PALLD: variants seen among roughly 807,000 people sequenced by gnomAD.
PALLD encodes palladin, cytoskeletal associated protein.
In PALLD, 61 loss-of-function variants were observed where a neutral mutation model predicts 123.5. The ratio of observed to expected loss-of-function variants is 0.49; its 90% confidence interval spans 0.40 to 0.61. The LOEUF (loss-of-function observed/expected upper bound fraction) is 0.61. PALLD is among the 20% of genes least tolerant of loss of function. PALLD has a pLI of 0.00. For missense variants in PALLD, 1,273 were observed against 1,377.0 expected, an observed-to-expected ratio of 0.92 and a Z score of 1.20; for synonymous variants, 465 against 496.4, an observed-to-expected ratio of 0.94 and a Z score of 0.84.
intron 3 of PALLD, among the ~76,000 whole-genome samples, chr4:168,679,228 GTGGTGTGTGTGGGGTGTGTGTGTGGT>G: frequency 1.8e-5 from 2 of 109,900 alleles, no homozygotes; most frequent in Non-Finnish European, 3.7e-5. Context: ...GTGTGTGTGT[GTGGTGTGTGTGGGGTGTGTGTGTGGT>G]GTGTGGTGGG....
chr4:168,519,896 T>C (rs1178076837), intron 2 of PALLD, among the ~76,000 whole-genome samples: 1 of 81,948 alleles, frequency 1.2e-5, no homozygotes, highest in Non-Finnish European at 2.4e-5. Context: ...TCTTAATTCA[T>C]TTTAAATCTT....
intron 10 of PALLD, among the ~76,000 whole-genome samples, chr4:168,825,766 T>C (rs542082052): frequency 2.0e-5 from 3 of 152,318 alleles, no homozygotes; most frequent in African/African-American, 4.8e-5. Flanking sequence ...AATGGAATCA[T>C]GGCTGATCTG....
chr4:168,542,815 T>A (rs1301643066), intron 2 of PALLD, among the ~76,000 whole-genome samples: 1 of 145,926 alleles, frequency 6.9e-6, no homozygotes, highest in African/African-American at 2.6e-5. Context: ...TGGGTGGGAA[T>A]CTTTCACATC....
intron 2 of PALLD, among the ~76,000 whole-genome samples, chr4:168,666,865 G>A (rs1779708731): frequency 6.6e-6 from 1 of 152,146 alleles, no homozygotes; most frequent in Admixed American, 6.5e-5. Flanking sequence ...GAAAGAGACT[G>A]GAGGATGACT....
chr4:168,776,839 T>G (rs1735230518), intron 10 of PALLD, among the ~76,000 whole-genome samples: 2 of 152,316 alleles, frequency 1.3e-5, no homozygotes, highest in South Asian at 4.2e-4. Context: ...CATCATGATG[T>G]AATTACCTTT....
At chr4:168,556,360 G>T (rs987788032) in intron 2 of PALLD, among the ~76,000 whole-genome samples, 2 of 152,176 alleles carry the variant, frequency 1.3e-5, no homozygotes, top group African/African-American at 4.8e-5. Context: ...CTCCCAAAGT[G>T]CTGGGATTAC....
At chr4:168,742,076 G>A (rs1201420564) in intron 10 of PALLD, among the ~76,000 whole-genome samples, 1 of 152,184 alleles carries the variant, frequency 6.6e-6, no homozygotes, top group Non-Finnish European at 1.5e-5. Context: ...TTGCTGCCCA[G>A]CATCTAGGGA....
At chr4:168,789,541 C>A (rs1330140867) in intron 10 of PALLD, among the ~76,000 whole-genome samples, 2 of 151,966 alleles carry the variant, frequency 1.3e-5, no homozygotes, top group African/African-American at 4.8e-5. Flanking sequence ...CCCATCTTTA[C>A]TAAAAATACA....
At chr4:168,872,164 T>TTC (rs778024585) in intron 10 of PALLD, among the ~76,000 whole-genome samples, 74 of 152,120 alleles carry the variant, frequency 4.9e-4, no homozygotes, top group Non-Finnish European at 8.5e-4. Context: ...CAGTTGCTCC[T>TTC]TCTCTCTCTC....
intron 2 of PALLD, among the ~76,000 whole-genome samples, chr4:168,654,010 A>C (rs1271450481): frequency 6.6e-6 from 1 of 151,742 alleles, no homozygotes; most frequent in Non-Finnish European, 1.5e-5. Context: ...TTTAAGACAC[A>C]GAGTCTCACT....
intron 10 of PALLD, among the ~76,000 whole-genome samples, chr4:168,778,713 T>C (rs967457640): frequency 1.3e-5 from 2 of 152,268 alleles, no homozygotes; most frequent in Non-Finnish European, 2.9e-5. Context: ...CATTACTATC[T>C]ATATTTTACA....
chr4:168,533,928 G>A (rs1207915699), intron 2 of PALLD, among the ~76,000 whole-genome samples: 1 of 152,186 alleles, frequency 6.6e-6, no homozygotes, highest in East Asian at 1.9e-4. Context: ...TGAAATGCAA[G>A]TTTTTGATAA....
At chr4:168,729,549 G>A (rs944052630) in intron 10 of PALLD, among the ~76,000 whole-genome samples, 2 of 151,940 alleles carry the variant, frequency 1.3e-5, no homozygotes, top group Non-Finnish European at 1.5e-5. Flanking sequence ...ACTCCCTCCC[G>A]GAATTCCCCA....
intron 10 of PALLD, among the ~76,000 whole-genome samples, chr4:168,764,263 A>T (rs547374519): frequency 2.9e-4 from 44 of 152,216 alleles, no homozygotes; most frequent in Admixed American, 1.1e-3. Flanking sequence ...CTGAGAGAAC[A>T]TAATTTAATA....
At chr4:168,729,701 T>C (rs924481779) in intron 10 of PALLD, among the ~76,000 whole-genome samples, 1 of 152,180 alleles carries the variant, frequency 6.6e-6, no homozygotes, top group Non-Finnish European at 1.5e-5. Context: ...TATATTTCAC[T>C]TTTTATTTTA....
intron 10 of PALLD, among the ~76,000 whole-genome samples, chr4:168,792,129 GC>G (rs1163556842): frequency 6.6e-6 from 1 of 152,078 alleles, no homozygotes; most frequent in Non-Finnish European, 1.5e-5. Context: ...AAAGGCTGCT[GC>G]CCTCAGCAGA....
intron 2 of PALLD, among the ~76,000 whole-genome samples, chr4:168,556,641 AT>A (rs951899841): frequency 5.3e-5 from 8 of 152,176 alleles, no homozygotes; most frequent in African/African-American, 1.9e-4. Flanking sequence ...ACCCTGTGTT[AT>A]TTTTTAAGTC....
intron 10 of PALLD, among the ~76,000 whole-genome samples, chr4:168,835,744 G>A (rs1178287431): frequency 6.6e-6 from 1 of 152,094 alleles, no homozygotes; most frequent in Non-Finnish European, 1.5e-5. Flanking sequence ...TGTCACCCAG[G>A]CTGGAGTGCA....
In PALLD at chr4:168,869,941, G is replaced by A. The variant is rs1018080448; in HGVS notation, c.1965-20981G>A. Among the ~76,000 whole-genome samples, 2 of 152,176 alleles carry A rather than the reference G, an allele frequency of 1.3e-5. No homozygotes were observed. The highest frequency in any genetic ancestry group is 4.8e-5 in the African/African-American group (2 of 41,440). On this transcript the variant is annotated intron_variant, in intron 10 of 21. Transcript: ENST00000505667. The surrounding 1 kb of genome is among the most constrained non-coding windows in gnomAD (Gnocchi z 4.5). The stretch of plus-strand genomic sequence containing the variant: ...GTGAAGGAAGTAAGGCACAGTCCCA[G>A]AAGTAAGAGAACAAGGAGAGTTGTT...
Sources: allele counts gnomAD v4.1 joint callset (sites outside exome capture counted in the v4.1 genomes callset), GRCh38; gene constraint gnomAD v4.1.1; non-coding constraint Gnocchi (gnomAD v3.1); transcripts MANE v1.5; gene names NCBI Gene and HGNC (gene_info 2026-07-23, HGNC 2026-07-21).